P2RX3: variants seen among roughly 807,000 people sequenced by gnomAD.
The protein encoded by P2RX3 is P2X purinoceptor 3.
A neutral mutation model predicts 51.5 loss-of-function variants in P2RX3; 41 were observed. That is an observed-to-expected ratio of 0.80 (90% CI 0.62 to 1.03). The LOEUF (loss-of-function observed/expected upper bound fraction) is 1.03, where lower values mean the gene tolerates loss of function less well. Ranked by LOEUF, P2RX3 falls within the 50% of genes least tolerant of loss-of-function variation. P2RX3 has a pLI of 0.00. For synonymous variants in P2RX3, 185 were observed against 191.6 expected (o/e 0.97, Z 0.29); for missense variants, 459 against 522.1 (o/e 0.88, Z 1.18).
chr11:57,351,288 C>T (rs933685000), intron 8 of P2RX3, among the ~76,000 whole-genome samples: 5 of 152,164 alleles, frequency 3.3e-5, no homozygotes, highest in African/African-American at 4.8e-5. Flanking sequence ...TAAGGTTTCT[C>T]GCTCTACAAA....
In P2RX3 at chr11:57,370,064, A is replaced by AG; in HGVS notation, c.*67_*68insG. On this transcript the variant is annotated 3_prime_UTR_variant, in exon 12 of 12. Transcript: ENST00000263314. ...TCCCCACAGAGGACCCTGCCTGAGCAAGGGGCATGGGAGGGAAGAGGGGCT... is the reference window on the plus strand; with the variant it reads ...TCCCCACAGAGGACCCTGCCTGAGCAGAGGGGCATGGGAGGGAAGAGGGGCT... 1.9e-6 allele frequency: 2 copies of AG among 1,051,478 alleles called. No homozygotes were observed. Among genetic ancestry groups the AG allele is most frequent in the Non-Finnish European group, 2.7e-6 (2 of 747,768 alleles). The allele number at this position is 1,051,478 out of a possible 1,614,324, so 65.1% of individuals were successfully genotyped here. A position where few individuals can be genotyped will look rare whatever the true frequency, so the allele number is the denominator to read the frequency against.
At chr11:57,353,956 T>G (rs1361415207) in intron 8 of P2RX3, among the ~76,000 whole-genome samples, 3 of 151,422 alleles carry the variant, frequency 2.0e-5, no homozygotes, top group African/African-American at 7.3e-5. Flanking sequence ...ACTTTACAGA[T>G]GAGGAAGCGG....
rs770802645 is a variant in P2RX3 at position 57,347,493 on chromosome 11, T to C, written c.391+15T>C. The C allele has an allele frequency of 6.4e-7, 1 of 1,552,560 alleles. No homozygotes were observed. The highest frequency in any genetic ancestry group is 1.2e-5 in the South Asian group (1 of 84,128). ...GCCAGGTGGGGGTGAGTCCAGCCCC[T>C]TACCCACCCCACAATCCCAAGTGTT... On this transcript the variant is annotated intron_variant, in intron 4 of 11. Transcript: ENST00000263314.
rs371189201 is a variant in P2RX3 at position 57,349,852 on chromosome 11, A to T, written c.659A>T (p.Asp220Val). Residue 220 changes from aspartate (D) to valine (V), a missense_variant, in exon 7 of 12, where the codon GAC (aspartate) becomes GTC (valine). By Grantham distance (152) the Asp-to-Val change is radical. Transcript: ENST00000263314. ...DPFCPILRVG[D>V]VVKFAGQDFA... Reference sequence around the variant, plus strand: ...TTCTGCCCCATCTTGCGGGTAGGGGACGTGGTCAAGTTTGCGGGGCAGGAT... The same window carrying T: ...TTCTGCCCCATCTTGCGGGTAGGGGTCGTGGTCAAGTTTGCGGGGCAGGAT... 6.8e-6 allele frequency: 11 copies of T among 1,614,074 alleles called. No individual in the cohort carries two copies. Among genetic ancestry groups the T allele is most frequent in the Non-Finnish European group, 9.3e-6 (11 of 1,180,030 alleles).
intron 11 of P2RX3, 116 bp downstream of exon 11, chr11:57,369,554 C>T (rs913872521): frequency 4.1e-6 from 4 of 964,732 alleles, no homozygotes; most frequent in Admixed American, 2.6e-5. Context: ...CACCAGGCCT[C>T]AATGAATATT....
At chr11:57,348,785 C>T in intron 6 of P2RX3, 81 bp downstream of exon 6, 1 of 970,228 alleles carries the variant, frequency 1.0e-6, no homozygotes, top group Non-Finnish European at 1.6e-6. Flanking sequence ...GTGGAGATGC[C>T]CCCTCGCCAC....
chr11:57,344,119 G>A (rs1291521844), intron 1 of P2RX3, among the ~76,000 whole-genome samples: 5 of 152,220 alleles, frequency 3.3e-5, no homozygotes, highest in African/African-American at 7.2e-5. Context: ...TTACAAGCAC[G>A]CAAGTCACTC....
intron 1 of P2RX3, among the ~76,000 whole-genome samples, chr11:57,344,217 C>T (rs1856392676): frequency 6.6e-6 from 1 of 152,150 alleles, no homozygotes; most frequent in Non-Finnish European, 1.5e-5. Flanking sequence ...TATGCTGGTG[C>T]TTTGACTACA....
intron 8 of P2RX3, among the ~76,000 whole-genome samples, chr11:57,363,998 C>T (rs1430165070): frequency 2.0e-5 from 3 of 152,182 alleles, no homozygotes; most frequent in African/African-American, 7.2e-5. Context: ...CATTCCTTCC[C>T]AGGATAAATT....
intron 8 of P2RX3, among the ~76,000 whole-genome samples, chr11:57,359,607 T>C (rs1277315790): frequency 6.6e-6 from 1 of 152,228 alleles, no homozygotes; most frequent in East Asian, 1.9e-4. Flanking sequence ...TATGGCATCA[T>C]TGCAGTCACA....
chr11:57,345,375 G>C (rs752201231), intron 1 of P2RX3, among the ~76,000 whole-genome samples: 3 of 152,122 alleles, frequency 2.0e-5, no homozygotes, highest in Non-Finnish European at 2.9e-5. Context: ...ATAAGATTGG[G>C]AGACAGTGAG....
intron 1 of P2RX3, among the ~76,000 whole-genome samples, chr11:57,343,332 A>G (rs991413352): frequency 6.6e-5 from 10 of 152,354 alleles, no homozygotes; most frequent in South Asian, 2.1e-4. Context: ...TTCCTAAGCC[A>G]GGAGATGCTT....
At chr11:57,348,855 C>A in intron 6 of P2RX3, 151 bp downstream of exon 6, 1 of 600,860 alleles carries the variant, frequency 1.7e-6, no homozygotes. Flanking sequence ...CCCAATCTCC[C>A]AGCGGGCCTT....
At chr11:57,353,270 C>G (rs565905943) in intron 8 of P2RX3, among the ~76,000 whole-genome samples, 27 of 152,344 alleles carry the variant, frequency 1.8e-4, no homozygotes, top group African/African-American at 6.3e-4. Context: ...AGAAACCATA[C>G]TAGTCACCCT....
chr11:57,360,654 G>A (rs1856701133), intron 8 of P2RX3, among the ~76,000 whole-genome samples: 1 of 151,794 alleles, frequency 6.6e-6, no homozygotes, highest in South Asian at 2.1e-4. Context: ...AATTAGCTGG[G>A]CATGGTGGTG....
chr11:57,350,671 A>T, intron 7 of P2RX3, 91 bp from the exon 8 acceptor site: 2 of 1,532,660 alleles, frequency 1.3e-6, no homozygotes, highest in Non-Finnish European at 1.8e-6. Flanking sequence ...GGAGGAAATC[A>T]TTTGTCACCA....
intron 8 of P2RX3, among the ~76,000 whole-genome samples, chr11:57,357,754 G>A (rs1441504607): frequency 6.6e-6 from 1 of 152,200 alleles, no homozygotes; most frequent in Non-Finnish European, 1.5e-5. Flanking sequence ...CTAAGGAGAA[G>A]AGTTCCAGCC....
At chr11:57,348,399 G>T (rs1166698768) in intron 5 of P2RX3, 136 bp downstream of exon 5, 1 of 864,400 alleles carries the variant, frequency 1.2e-6, no homozygotes, top group East Asian at 2.7e-5. Flanking sequence ...TGTGGGGGGT[G>T]GCCTCAGGCC....
chr11:57,340,268 T>C (rs1856314282), intron 1 of P2RX3, among the ~76,000 whole-genome samples: 1 of 152,210 alleles, frequency 6.6e-6, no homozygotes, highest in Non-Finnish European at 1.5e-5. Flanking sequence ...AGTGGGCTCC[T>C]AGACCAGCCC....
Sources: allele counts gnomAD v4.1 joint callset (sites outside exome capture counted in the v4.1 genomes callset), GRCh38; gene constraint gnomAD v4.1.1; transcripts MANE v1.5; gene names NCBI Gene and HGNC (gene_info 2026-07-23, HGNC 2026-07-21).